The following GPHN variants were observed in gnomAD, a reference collection of about 807,000 sequenced individuals.
GPHN encodes the protein gephyrin.
GPHN carries 17 observed loss-of-function variants against 95.5 expected under a neutral mutation model. That is an observed-to-expected ratio of 0.18 (90% confidence interval 0.12 to 0.27). GPHN has a LOEUF of 0.27. Ranked by LOEUF, GPHN falls within the 10% of genes least tolerant of loss-of-function variation. GPHN has a pLI of 1.00. For missense variants in GPHN, 660 were observed against 978.1 expected, an observed-to-expected ratio of 0.67 and a Z score of 4.34; for synonymous variants, 320 against 322.5, an observed-to-expected ratio of 0.99 and a Z score of 0.08.
At chr14:67,332,636 AG>A in the GPHN span, 1 of 723,992 alleles carries the variant, frequency 1.4e-6, no homozygotes, top group Non-Finnish European at 2.2e-6. Flanking sequence ...TGGCCGTGAC[AG>A]GGTTGGAAAG....
the GPHN span, among the ~76,000 whole-genome samples, chr14:67,220,438 T>A: frequency 6.6e-6 from 1 of 150,956 alleles, no homozygotes; most frequent in Non-Finnish European, 1.5e-5. Context: ...AGAGACCTTT[T>A]CTCAGGAAAA....
chr14:67,026,377 T>C (rs2073924741), intron 10 of GPHN, among the ~76,000 whole-genome samples: 1 of 152,218 alleles, frequency 6.6e-6, no homozygotes, highest in South Asian at 2.1e-4. Flanking sequence ...ACCATTATTT[T>C]CTTGATAATG....
the GPHN span, among the ~76,000 whole-genome samples, chr14:67,668,256 T>C: frequency 6.6e-6 from 1 of 152,220 alleles, no homozygotes; most frequent in Non-Finnish European, 1.5e-5. Context: ...TAGCACATTA[T>C]AGTACTCTGA....
intron 5 of GPHN, among the ~76,000 whole-genome samples, chr14:66,895,444 A>G (rs10151107): frequency 0.32 from 48,771 of 152,042 alleles, 12,373 homozygotes; most frequent in African/African-American, 0.68. Flanking sequence ...CCAACATGGC[A>G]CATGTATACA....
At chr14:67,648,245 C>A in the GPHN span, 4 of 1,527,648 alleles carry the variant, frequency 2.6e-6, no homozygotes, top group Admixed American at 2.0e-5. Flanking sequence ...GAGTCTCTTG[C>A]CTGCAAAGGA....
chr14:67,195,768 G>C, the GPHN span, among the ~76,000 whole-genome samples: 2 of 151,070 alleles, frequency 1.3e-5, no homozygotes, highest in African/African-American at 4.9e-5. Context: ...TTTTGAGACA[G>C]AGTCTTGCTC....
chr14:67,361,237 C>T, the GPHN span, among the ~76,000 whole-genome samples: 1 of 152,146 alleles, frequency 6.6e-6, no homozygotes, highest in East Asian at 1.9e-4. Context: ...AACATGGTTT[C>T]TTCGAGAAAA....
At chr14:67,060,627 C>T (rs2153650622) in intron 11 of GPHN, among the ~76,000 whole-genome samples, 1 of 152,300 alleles carries the variant, frequency 6.6e-6, no homozygotes, top group East Asian at 1.9e-4. Context: ...AAAACTCCTG[C>T]CCCATGGATT....
At chr14:67,699,636 A>G in the GPHN span, among the ~76,000 whole-genome samples, 1 of 150,608 alleles carries the variant, frequency 6.6e-6, no homozygotes, top group Non-Finnish European at 1.5e-5. Flanking sequence ...AAAGAAAGAA[A>G]GTTATGTGGA....
chr14:67,624,894 C>T, the GPHN span, among the ~76,000 whole-genome samples: 14 of 152,146 alleles, frequency 9.2e-5, no homozygotes, highest in Admixed American at 2.0e-4. Context: ...TGCCCTGTTC[C>T]CATGCTGCCT....
At chr14:67,278,068 G>A in the GPHN span, among the ~76,000 whole-genome samples, 11 of 144,138 alleles carry the variant, frequency 7.6e-5, no homozygotes, top group East Asian at 1.0e-3. Context: ...ATGGAGTCTC[G>A]CTCTGTCACC....
chr14:67,199,276 G>T, the GPHN span: 76 of 1,601,748 alleles, frequency 4.7e-5, 1 homozygote, highest in Middle Eastern at 3.3e-4. Flanking sequence ...ATGCCATTAA[G>T]ATCATGAACA....
At chr14:67,582,002 C>T in the GPHN span, 6 of 1,487,664 alleles carry the variant, frequency 4.0e-6, no homozygotes, top group Non-Finnish European at 5.5e-6. The surrounding 1 kb of genome is among the most constrained non-coding windows in gnomAD (Gnocchi z 5.0). Flanking sequence ...GGTAACAGAC[C>T]CAGAGAAAGC....
intron 1 of GPHN, among the ~76,000 whole-genome samples, chr14:66,662,120 G>A (rs1282729172): frequency 2.6e-5 from 4 of 152,130 alleles, no homozygotes; most frequent in African/African-American, 4.8e-5. Context: ...CTAACTAGGG[G>A]CAGAAGTGGT....
At chr14:67,519,566 A>G in the GPHN span, among the ~76,000 whole-genome samples, 6 of 152,312 alleles carry the variant, frequency 3.9e-5, no homozygotes, top group Non-Finnish European at 5.9e-5. Context: ...GGTACTGCAC[A>G]TCGTGATTAG....
At chr14:66,949,297 C>G (rs1836418198) in intron 8 of GPHN, among the ~76,000 whole-genome samples, 2 of 152,080 alleles carry the variant, frequency 1.3e-5, no homozygotes, top group African/African-American at 4.8e-5. Context: ...GTTAGCCAGG[C>G]TGGTCTCGAA....
chr14:66,811,434 G>T (rs765108224), intron 3 of GPHN, among the ~76,000 whole-genome samples: 1 of 151,504 alleles, frequency 6.6e-6, no homozygotes, highest in Non-Finnish European at 1.5e-5. Context: ...TAAAATGTTT[G>T]TGATTTTTAA....
At position 66,816,395 on chromosome 14, in the gene GPHN, C is replaced by A. The variant is rs148357592; in HGVS notation, c.202-8079C>A. Among the ~76,000 whole-genome samples the A allele has an allele frequency of 3.2e-3, 490 of 152,192 alleles. 3 individuals carry two copies. Among genetic ancestry groups the A allele is most frequent in the African/African-American group, 0.011 (466 of 41,542 alleles). On this transcript the variant is annotated intron_variant, in intron 3 of 22. Coordinates refer to ENST00000478722, the MANE Select transcript of GPHN (RefSeq NM_020806.5). Reference sequence around the variant, plus strand: ...GCATATATCCTAAAATTGATCACATCATCAGAAGTAAAACGCTCTTGAGGA... The same window carrying A: ...GCATATATCCTAAAATTGATCACATAATCAGAAGTAAAACGCTCTTGAGGA...
intron 2 of GPHN, among the ~76,000 whole-genome samples, chr14:66,772,988 C>A (rs1404660963): frequency 1.3e-5 from 2 of 149,976 alleles, no homozygotes; most frequent in Non-Finnish European, 2.9e-5. Context: ...ACTTTTTTTT[C>A]CCCCTTCTTC....
Sources: gnomAD v4.1 joint callset for allele counts (sites outside exome capture counted in the v4.1 genomes callset) on GRCh38, gnomAD v4.1.1 for gene constraint, Gnocchi (gnomAD v3.1) non-coding constraint, MANE v1.5 for transcripts, NCBI Gene and HGNC (gene_info 2026-07-23, HGNC 2026-07-21) for gene names.